Variants in DDX4 observed in about 807,000 individuals in gnomAD.
DDX4 encodes the protein probable ATP-dependent RNA helicase DDX4.
DDX4 carries 25 observed loss-of-function variants against 100.0 expected under a neutral mutation model. That is an observed-to-expected ratio of 0.25 (90% confidence interval 0.18 to 0.35). The LOEUF (loss-of-function observed/expected upper bound fraction) is 0.35, where lower values mean the gene tolerates loss of function less well. Among genes scored for constraint, DDX4 ranks in the 10% least tolerant of loss-of-function variants. The pLI is 1.00. For synonymous variants in DDX4, 259 were observed against 275.7 expected, an observed-to-expected ratio of 0.94 and a Z score of 0.60; for missense variants, 635 against 882.4, an observed-to-expected ratio of 0.72 and a Z score of 3.55.
chr5:55,810,164 G>A (rs1744039241), intron 18 of DDX4, among the ~76,000 whole-genome samples: 1 of 151,956 alleles, frequency 6.6e-6, no homozygotes, highest in Non-Finnish European at 1.5e-5. Context: ...GAGTGTGACT[G>A]CGTGATCTTG....
intron 2 of DDX4, among the ~76,000 whole-genome samples, chr5:55,740,555 G>A (rs1023063739): frequency 1.2e-4 from 18 of 151,404 alleles, no homozygotes; most frequent in African/African-American, 4.1e-4. Context: ...GCCCAGGCTG[G>A]AGTGCAGTGG....
At position 55,816,676 on chromosome 5, in the gene DDX4, A is replaced by C. The variant is rs1744440038; in HGVS notation, c.*136A>C. The stretch of plus-strand genomic sequence containing the variant: ...GTATTCTCACTCCTACACTTAAAAA[A>C]AAAATCCTTACTGACTAGTTATGTG... On this transcript the variant is annotated 3_prime_UTR_variant, in exon 22 of 22. Coordinates refer to ENST00000505374, the MANE Select transcript of DDX4 (RefSeq NM_024415.3). 19 of 1,410,196 alleles carry C rather than the reference A, an allele frequency of 1.3e-5. No individual in the cohort carries two copies. The highest frequency in any genetic ancestry group is 1.8e-5 in the Non-Finnish European group (19 of 1,071,570). The allele number at this position is 1,410,196 out of a possible 1,614,324, so 87.4% of individuals were successfully genotyped here. A position where few individuals can be genotyped will look rare whatever the true frequency, so the allele number is the denominator to read the frequency against.
intron 18 of DDX4, among the ~76,000 whole-genome samples, chr5:55,809,463 CT>C (rs1413093416): frequency 2.0e-5 from 3 of 152,140 alleles, no homozygotes; most frequent in East Asian, 3.9e-4. Context: ...GGCTCCACCC[CT>C]GATTAAGCTT....
At chr5:55,798,245 C>A (rs1176700598) in intron 17 of DDX4, among the ~76,000 whole-genome samples, 181 bp from the exon 18 acceptor site, 1 of 151,936 alleles carries the variant, frequency 6.6e-6, no homozygotes, top group Non-Finnish European at 1.5e-5. Flanking sequence ...TTTGCAAAAT[C>A]CTAATATTTT....
rs1580618281 is a variant in DDX4 at position 55,815,439 on chromosome 5, A to G, written c.2097+16A>G. On this transcript the variant is annotated intron_variant, in intron 21 of 21. Transcript: ENST00000505374. Reference sequence around the variant, plus strand: ...TACCAGAAAGGTTAGTAGAAAGGAAAACTTGAGAACTTGTCTTCTAGTTAC... The same window carrying G: ...TACCAGAAAGGTTAGTAGAAAGGAAGACTTGAGAACTTGTCTTCTAGTTAC... 2 of 1,596,458 alleles carry G rather than the reference A, an allele frequency of 1.3e-6. 1 individual carries two copies. Among genetic ancestry groups the G allele is most frequent in the South Asian group, 2.3e-5 (2 of 86,490 alleles).
rs764226640 is a variant in DDX4 at position 55,786,510 on chromosome 5, A to T, written c.865-8A>T. ...GAATGTAATCACTGCTTTTTTTTAA[A>T]TTTTCAGACTTTTGAAGAAGCTAAT... is the stretch of plus-strand genomic sequence containing the variant. On this transcript the variant is annotated splice_region_variant and splice_polypyrimidine_tract_variant and intron_variant, in intron 13 of 21. Coordinates refer to ENST00000505374, the MANE Select transcript of DDX4 (RefSeq NM_024415.3). 1 of 1,603,736 alleles carries T rather than the reference A, an allele frequency of 6.2e-7. No homozygotes were observed. The highest frequency in any genetic ancestry group is 1.7e-5 in the Admixed American group (1 of 58,330).
chr5:55,802,578 G>GT (rs1305072997), intron 18 of DDX4, among the ~76,000 whole-genome samples: 4 of 152,060 alleles, frequency 2.6e-5, no homozygotes, highest in Non-Finnish European at 5.9e-5. Context: ...CCAGTGATAG[G>GT]GTCTAAAAGT....
At chr5:55,813,909 C>T in intron 19 of DDX4, 137 bp downstream of exon 19, 1 of 1,074,960 alleles carries the variant, frequency 9.3e-7, no homozygotes, top group Non-Finnish European at 1.2e-6. Context: ...TGTTATTCTC[C>T]TTTATATGAG....
chr5:55,746,242 G>A, intron 3 of DDX4, 21 bp downstream of exon 3: 2 of 1,597,142 alleles, frequency 1.3e-6, no homozygotes, highest in Non-Finnish European at 1.7e-6. Flanking sequence ...TGGGAAAAAG[G>A]TAAAACCCTT....
At chr5:55,774,728 A>G (rs1741457501) in intron 7 of DDX4, among the ~76,000 whole-genome samples, 1 of 152,152 alleles carries the variant, frequency 6.6e-6, no homozygotes, top group Non-Finnish European at 1.5e-5. Context: ...ATTCTTTTGC[A>G]TATGGATACC....
rs1744448564 is a variant in DDX4 at position 55,816,879 on chromosome 5, G to A, written c.*339G>A. The A allele has an allele frequency of 5.1e-6, 1 of 194,646 alleles. No individual in the cohort carries two copies. The highest frequency in any genetic ancestry group is 1.0e-5 in the Non-Finnish European group (1 of 97,202). The allele number at this position is 194,646 out of a possible 1,614,324, so 12.1% of individuals were successfully genotyped here. ...ATTGATCTTATAAAACAAGCAAATA[G>A]GATATGATACACTTTTGGTTAAAAA... On this transcript the variant is annotated 3_prime_UTR_variant, in exon 22 of 22. Transcript: ENST00000505374.
chr5:55,793,653 G>C (rs1742732497), intron 17 of DDX4, among the ~76,000 whole-genome samples: 1 of 152,178 alleles, frequency 6.6e-6, no homozygotes, highest in African/African-American at 2.4e-5. Flanking sequence ...GGGTCATTGA[G>C]AGTGATGGTA....
intron 17 of DDX4, among the ~76,000 whole-genome samples, chr5:55,796,803 TTTTCTTTTTTTCTTTC>T: frequency 1.3e-5 from 2 of 149,002 alleles, no homozygotes; most frequent in South Asian, 2.1e-4. Flanking sequence ...AAGACTTTTC[TTTTCTTTTTTTCTTTC>T]TTTCTTTTTT....
At chr5:55,766,590 T>C (rs1048298638) in intron 6 of DDX4, among the ~76,000 whole-genome samples, 9 of 152,170 alleles carry the variant, frequency 5.9e-5, no homozygotes, top group African/African-American at 2.2e-4. Context: ...CTCTTCAGGA[T>C]TGTTTGTCAG....
intron 21 of DDX4, among the ~76,000 whole-genome samples, chr5:55,815,774 C>A (rs1028295500): frequency 7.4e-6 from 1 of 135,988 alleles, no homozygotes; most frequent in Non-Finnish European, 1.6e-5. Flanking sequence ...TTTTTCTTTT[C>A]TTTTTTTTTT....
chr5:55,798,637 C>A, intron 18 of DDX4, 66 bp downstream of exon 18: 1 of 1,433,046 alleles, frequency 7.0e-7, no homozygotes, highest in South Asian at 1.4e-5. Context: ...TTTAAAAAAT[C>A]ACTAAAGAAT....
intron 18 of DDX4, among the ~76,000 whole-genome samples, chr5:55,807,578 T>A (rs1193663357): frequency 1.4e-4 from 22 of 152,314 alleles, no homozygotes; most frequent in African/African-American, 4.6e-4. Context: ...TCCTTCACTT[T>A]TGAAGCTTAG....
At chr5:55,783,827 G>T (rs1742078406) in intron 10 of DDX4, among the ~76,000 whole-genome samples, 1 of 148,848 alleles carries the variant, frequency 6.7e-6, no homozygotes, top group African/African-American at 2.5e-5. Flanking sequence ...AAGTCCAAAG[G>T]AACCAGTAAA....
At chr5:55,785,225 A>G (rs1306515648) in intron 10 of DDX4, 72 bp from the exon 11 acceptor site, 8 of 1,012,548 alleles carry the variant, frequency 7.9e-6, no homozygotes, top group South Asian at 2.8e-5. Context: ...CTCTTTGAAG[A>G]CAAGCAACGA....
Sources: allele counts gnomAD v4.1 joint callset (sites outside exome capture counted in the v4.1 genomes callset), GRCh38; gene constraint gnomAD v4.1.1; transcripts MANE v1.5; gene names NCBI Gene and HGNC (gene_info 2026-07-23, HGNC 2026-07-21).